NCAM2: variants seen among roughly 807,000 people sequenced by gnomAD.
The protein encoded by NCAM2 is N-CAM-2.
A neutral mutation model predicts 98.1 loss-of-function variants in NCAM2; 30 were observed. That is an observed-to-expected ratio of 0.31 (90% CI 0.23 to 0.41). The LOEUF (loss-of-function observed/expected upper bound fraction) is 0.41. Among genes scored for constraint, NCAM2 ranks in the 10% least tolerant of loss-of-function variants. The pLI is 1.00. For synonymous variants in NCAM2, 368 were observed against 342.4 expected (o/e 1.07, Z -0.83); for missense variants, 867 against 1,005.8 (o/e 0.86, Z 1.87).
chr21:21,356,337 C>T (rs935544673), intron 8 of NCAM2, among the ~76,000 whole-genome samples: 2 of 151,894 alleles, frequency 1.3e-5, no homozygotes, highest in African/African-American at 2.4e-5. Context: ...TTATGGTTCG[C>T]GGTTCCTACT....
At chr21:21,394,295 C>T (rs2076448342) in intron 9 of NCAM2, among the ~76,000 whole-genome samples, 1 of 151,860 alleles carries the variant, frequency 6.6e-6, no homozygotes, top group African/African-American at 2.4e-5. Flanking sequence ...TCTATGAAAT[C>T]ATTAATTGAA....
chr21:21,357,789 T>C (rs1246284994), intron 8 of NCAM2, among the ~76,000 whole-genome samples: 1 of 151,372 alleles, frequency 6.6e-6, no homozygotes. Context: ...CTAAGACAAA[T>C]AAAAAAACAA....
intron 6 of NCAM2, among the ~76,000 whole-genome samples, chr21:21,331,514 T>TATATATATATATATGTATATATATA (rs71195320): frequency 2.1e-4 from 1 of 4,774 alleles, no homozygotes; most frequent in Non-Finnish European, 5.1e-4. Context: ...ATACTCTCTC[T>TATATATATATATATGTATATATATA]CTCTATATAT....
At chr21:21,063,796 A>G (rs1275099935) in intron 1 of NCAM2, among the ~76,000 whole-genome samples, 1 of 151,610 alleles carries the variant, frequency 6.6e-6, no homozygotes, top group Non-Finnish European at 1.5e-5. Context: ...TTTTTTCTCT[A>G]TGTGTATTAA....
chr21:21,500,066 A>G (rs1362912787), intron 15 of NCAM2, among the ~76,000 whole-genome samples: 1 of 152,164 alleles, frequency 6.6e-6, no homozygotes, highest in South Asian at 2.1e-4. Context: ...GTGGATACTC[A>G]GCTCTTCTCT....
intron 1 of NCAM2, among the ~76,000 whole-genome samples, chr21:21,234,288 TA>T (rs961377839): frequency 2.3e-4 from 33 of 144,772 alleles, no homozygotes; most frequent in East Asian, 8.0e-4. Context: ...TTTAAGTCTA[TA>T]AAAAAAAAAG....
At chr21:21,171,741 A>T (rs865916374) in intron 1 of NCAM2, among the ~76,000 whole-genome samples, 1 of 152,198 alleles carries the variant, frequency 6.6e-6, no homozygotes, top group Admixed American at 6.6e-5. Flanking sequence ...TTCTGTAGCT[A>T]AAAGGTAGTA....
At chr21:21,150,278 C>T (rs1391364319) in intron 1 of NCAM2, among the ~76,000 whole-genome samples, 1 of 152,018 alleles carries the variant, frequency 6.6e-6, no homozygotes, top group Non-Finnish European at 1.5e-5. Context: ...CTGTGAGTTG[C>T]TTACAAATTA....
chr21:21,056,341 T>C (rs1042070371), intron 1 of NCAM2, among the ~76,000 whole-genome samples: 3 of 152,120 alleles, frequency 2.0e-5, no homozygotes, highest in African/African-American at 7.2e-5. Context: ...TATATTTGAC[T>C]TTCTTTTTTT....
chr21:21,241,742 G>GT (rs34291887), intron 1 of NCAM2, among the ~76,000 whole-genome samples: 151,955 of 151,956 alleles, frequency 1, 75,977 homozygotes, highest in Middle Eastern at 1. Context: ...TCTGAGTTTG[G>GT]ACAAAAGGCT....
intron 14 of NCAM2, among the ~76,000 whole-genome samples, chr21:21,474,027 T>C (rs538855609): frequency 1.3e-5 from 2 of 152,086 alleles, no homozygotes; most frequent in Admixed American, 1.3e-4. Flanking sequence ...GCAAATCATC[T>C]CATTAAGTTA....
intron 8 of NCAM2, among the ~76,000 whole-genome samples, chr21:21,364,112 A>T (rs964653205): frequency 6.6e-6 from 1 of 152,108 alleles, no homozygotes; most frequent in Non-Finnish European, 1.5e-5. Flanking sequence ...TTTAGTTTTT[A>T]GCCACTCATC....
At chr21:21,358,259 C>T (rs1165102738) in intron 8 of NCAM2, among the ~76,000 whole-genome samples, 3 of 151,978 alleles carry the variant, frequency 2.0e-5, no homozygotes, top group Admixed American at 6.6e-5. Flanking sequence ...CACTTTTGTA[C>T]GTAAGAATCA....
intron 10 of NCAM2, among the ~76,000 whole-genome samples, chr21:21,416,584 A>G (rs1218048368): frequency 1.3e-5 from 2 of 152,154 alleles, no homozygotes; most frequent in African/African-American, 4.8e-5. Context: ...ATATTTAAAT[A>G]TGAAGAAATA....
chr21:21,091,692 A>C lies in NCAM2; in HGVS notation c.55+93074A>C, dbSNP rs530526662. ...CCAGGTTCTACTCAGTTATTAATCT[A>C]AGAAAGAGATTTGAAACTGTACAAT... is the stretch of plus-strand genomic sequence containing the variant. On this transcript the variant is annotated intron_variant, in intron 1 of 17. Coordinates refer to ENST00000400546, the MANE Select transcript of NCAM2 (RefSeq NM_004540.5). 5.3e-4 allele frequency among the ~76,000 whole-genome samples: 81 copies of C among 152,282 alleles called. 1 individual carries two copies. The highest frequency in any genetic ancestry group is 1.7e-3 in the African/African-American group (71 of 41,564).
At chr21:21,062,110 A>G (rs562196528) in intron 1 of NCAM2, among the ~76,000 whole-genome samples, 233 of 152,300 alleles carry the variant, frequency 1.5e-3, no homozygotes, top group Non-Finnish European at 2.8e-3. Flanking sequence ...AAGTTTTAAT[A>G]TTAATTTGAA....
At chr21:21,112,056 A>G (rs1320361111) in intron 1 of NCAM2, among the ~76,000 whole-genome samples, 1 of 152,184 alleles carries the variant, frequency 6.6e-6, no homozygotes, top group African/African-American at 2.4e-5. Flanking sequence ...ATGACTGTAG[A>G]CATTCTCTTA....
In NCAM2 at chr21:21,301,122, G is replaced by T. The variant is rs1258908348; in HGVS notation, c.619+8881G>T. ...GATGATCTGTTTAAGTCCCTTAGAG[G>T]CTCTAGATATTAGATCTTTGTTGGA... On this transcript the variant is annotated intron_variant, in intron 5 of 17. Coordinates refer to ENST00000400546, the MANE Select transcript of NCAM2 (RefSeq NM_004540.5). Among the ~76,000 whole-genome samples, 25 of 151,874 alleles carry T rather than the reference G, an allele frequency of 1.6e-4. 1 individual carries two copies. The highest frequency in any genetic ancestry group is 1.6e-3 in the Admixed American group (25 of 15,222).
intron 15 of NCAM2, among the ~76,000 whole-genome samples, chr21:21,491,120 A>C (rs565918582): frequency 6.6e-6 from 1 of 151,800 alleles, no homozygotes; most frequent in Non-Finnish European, 1.5e-5. Context: ...AAGTTACTCA[A>C]TTTTTGGATA....
Sources: gnomAD v4.1 joint callset for allele counts (sites outside exome capture counted in the v4.1 genomes callset) on GRCh38, gnomAD v4.1.1 for gene constraint, MANE v1.5 for transcripts, NCBI Gene and HGNC (gene_info 2026-07-23, HGNC 2026-07-21) for gene names.